The following CTTNBP2 variants were observed in gnomAD, a reference collection of about 807,000 sequenced individuals.
CTTNBP2 encodes cortactin binding protein 2, also known as cortactin-binding protein 2.
In CTTNBP2, 108 loss-of-function variants were observed where a neutral mutation model predicts 156.9. That is an observed-to-expected ratio of 0.69 (90% CI 0.59 to 0.81). CTTNBP2 has a LOEUF of 0.81. Ranked by LOEUF, CTTNBP2 falls within the 30% of genes least tolerant of loss-of-function variation. CTTNBP2 has a pLI of 0.00. For missense variants in CTTNBP2, 1,924 were observed against 2,035.4 expected, an observed-to-expected ratio of 0.95 and a Z score of 1.05; for synonymous variants, 767 against 751.8, an observed-to-expected ratio of 1.02 and a Z score of -0.33.
chr7:117,795,773 A>G (rs1009663603), intron 3 of CTTNBP2, among the ~76,000 whole-genome samples: 7 of 152,218 alleles, frequency 4.6e-5, no homozygotes, highest in African/African-American at 1.7e-4. Context: ...GTCCTCCATC[A>G]CTTGTGCTTT....
At chr7:117,852,004 G>A (rs74974914) in intron 2 of CTTNBP2, among the ~76,000 whole-genome samples, 3,934 of 152,180 alleles carry the variant, frequency 0.026, 91 homozygotes, top group East Asian at 0.097. Context: ...ACTAGATTCT[G>A]TTGATTCAGG....
At position 117,721,909 on chromosome 7, in the gene CTTNBP2, G is replaced by A. The variant is rs77928081; in HGVS notation, c.4448-779C>T. ...TAAACCATTTTAGACTCAATGTTAT[G>A]AATGCATTAAAACAGTTGCTTTTGA... On this transcript the variant is annotated intron_variant, in intron 19 of 22. Coordinates refer to ENST00000160373, the MANE Select transcript of CTTNBP2 (RefSeq NM_033427.3). Among the ~76,000 whole-genome samples, 10 of 152,324 alleles carry A rather than the reference G, an allele frequency of 6.6e-5. No homozygotes were observed. In the South Asian group the frequency reaches 2.1e-3, roughly 32 times the overall value.
chr7:117,864,684 A>G (rs796114455), intron 1 of CTTNBP2, among the ~76,000 whole-genome samples: 185 of 108,500 alleles, frequency 1.7e-3, no homozygotes, highest in South Asian at 4.0e-3. Context: ...ATATTTATAT[A>G]TATTCATATA....
chr7:117,749,858 T>C (rs1796533909), intron 12 of CTTNBP2, among the ~76,000 whole-genome samples: 1 of 152,146 alleles, frequency 6.6e-6, no homozygotes, highest in Non-Finnish European at 1.5e-5. Flanking sequence ...AAGAGAGATT[T>C]CAGTTCTATT....
chr7:117,832,811 A>G (rs1431117461), intron 2 of CTTNBP2, among the ~76,000 whole-genome samples: 1 of 145,962 alleles, frequency 6.9e-6, no homozygotes, highest in Non-Finnish European at 1.5e-5. Flanking sequence ...CAGTGGCGCA[A>G]TCTCAGCTCA....
At chr7:117,720,000 T>C (rs1221546269) in intron 20 of CTTNBP2, among the ~76,000 whole-genome samples, 1 of 152,220 alleles carries the variant, frequency 6.6e-6, no homozygotes, top group Admixed American at 6.5e-5. Context: ...GCTCTATTGC[T>C]AGCTAGCAAT....
chr7:117,728,001 G>A, intron 17 of CTTNBP2, 88 bp downstream of exon 17: 2 of 1,218,072 alleles, frequency 1.6e-6, no homozygotes, highest in Middle Eastern at 2.0e-4. Context: ...GGTGGCACAA[G>A]GCAGCCTGGT....
intron 16 of CTTNBP2, among the ~76,000 whole-genome samples, chr7:117,730,350 G>A (rs760104470): frequency 1.3e-5 from 2 of 152,102 alleles, no homozygotes; most frequent in Non-Finnish European, 2.9e-5. Context: ...TTCTATAGTG[G>A]TACCTTACCT....
chr7:117,859,028 T>C (rs1354180557), intron 2 of CTTNBP2, among the ~76,000 whole-genome samples: 4 of 152,218 alleles, frequency 2.6e-5, no homozygotes, highest in African/African-American at 9.6e-5. Context: ...AGTACAGTCA[T>C]GTCTGAGCAT....
At chr7:117,734,879 C>T (rs370177088) in intron 16 of CTTNBP2, 34 bp downstream of exon 16, 1 of 1,531,116 alleles carries the variant, frequency 6.5e-7, no homozygotes, top group African/African-American at 1.4e-5. Flanking sequence ...AACCCCTGCT[C>T]TCCTGGCAAC....
At chr7:117,849,319 A>C (rs1052754875) in intron 2 of CTTNBP2, among the ~76,000 whole-genome samples, 9 of 152,214 alleles carry the variant, frequency 5.9e-5, no homozygotes, top group Admixed American at 2.6e-4. Context: ...GGACTTGTGG[A>C]AACACGGAAT....
Position 117,845,511 on chromosome 7 carries a change from TAAA to T in CTTNBP2, c.189+15695_189+15697del, listed in dbSNP as rs375508080. Among the ~76,000 whole-genome samples, 1,021 of 152,074 alleles carry T rather than the reference TAAA, an allele frequency of 6.7e-3. 16 individuals are homozygous for T. The highest frequency in any genetic ancestry group is 0.024 in the African/African-American group (980 of 41,502). On this transcript the variant is annotated intron_variant, in intron 2 of 22. Coordinates refer to ENST00000160373, the MANE Select transcript of CTTNBP2 (RefSeq NM_033427.3). ...GAAGAGCATTTATTACATTAATAAT[TAAA>T]AAAAAGGATATCTTAAATAGCACAA...
At chr7:117,723,145 C>A (rs1463478931) in intron 19 of CTTNBP2, among the ~76,000 whole-genome samples, 2 of 151,994 alleles carry the variant, frequency 1.3e-5, no homozygotes, top group Non-Finnish European at 2.9e-5. Context: ...AAAACAGTAT[C>A]TTATTATCAA....
intron 2 of CTTNBP2, among the ~76,000 whole-genome samples, chr7:117,812,482 A>T (rs978465486): frequency 6.6e-6 from 1 of 151,966 alleles, no homozygotes; most frequent in Non-Finnish European, 1.5e-5. Flanking sequence ...ATAAACACAA[A>T]TCTAATGACA....
intron 8 of CTTNBP2, among the ~76,000 whole-genome samples, chr7:117,769,758 G>C (rs1797706711): frequency 6.6e-6 from 1 of 152,158 alleles, no homozygotes; most frequent in East Asian, 1.9e-4. Flanking sequence ...AAAGCAATCT[G>C]AGCACTAAAC....
In CTTNBP2 at chr7:117,784,471, C is replaced by A. The variant is rs1386192185; in HGVS notation, c.2069-17G>T. The stretch of plus-strand genomic sequence containing the variant: ...GTGACCAGCCTGTAGGTTAAAGTGA[C>A]CCTCGTTAGAGAGTAGGAGCAAGGA... On this transcript the variant is annotated splice_polypyrimidine_tract_variant and intron_variant, in intron 4 of 22. Transcript: ENST00000160373. The A allele has an allele frequency of 6.4e-7, 1 of 1,552,806 alleles. No individual in the cohort carries two copies. The highest frequency in any genetic ancestry group is 8.7e-7 in the Non-Finnish European group (1 of 1,154,120).
chr7:117,809,320 T>C (rs1236526164), intron 3 of CTTNBP2, among the ~76,000 whole-genome samples: 1 of 152,220 alleles, frequency 6.6e-6, no homozygotes, highest in African/African-American at 2.4e-5. Context: ...TTTTTATATA[T>C]TCAATGACAA....
intron 2 of CTTNBP2, among the ~76,000 whole-genome samples, chr7:117,845,858 CTTTTTTTTTT>C (rs1036831886): frequency 4.1e-5 from 6 of 148,100 alleles, no homozygotes; most frequent in African/African-American, 1.5e-4. Flanking sequence ...ATTTTTTTTT[CTTTTTTTTTT>C]GAGATGGAGT....
intron 8 of CTTNBP2, among the ~76,000 whole-genome samples, chr7:117,774,855 A>G (rs1798009970): frequency 6.6e-6 from 1 of 152,170 alleles, no homozygotes; most frequent in South Asian, 2.1e-4. Flanking sequence ...TTTAAGCTCT[A>G]CTTGTGGTCA....
Sources: allele counts gnomAD v4.1 joint callset (sites outside exome capture counted in the v4.1 genomes callset), GRCh38; gene constraint gnomAD v4.1.1; transcripts MANE v1.5; gene names NCBI Gene and HGNC (gene_info 2026-07-23, HGNC 2026-07-21).